Variants in USP46 observed in about 807,000 individuals in gnomAD.
USP46 encodes ubiquitin carboxyl-terminal hydrolase 46.
Under a neutral mutation model 44.4 loss-of-function variants are expected in USP46, and 12 were observed. The observed-to-expected ratio is 0.27, with a 90% CI of 0.17 to 0.44. USP46 has a LOEUF of 0.44. Ranked by LOEUF, USP46 falls within the 20% of genes least tolerant of loss-of-function variation. The probability of loss-of-function intolerance (pLI) is 1.00; values close to 1 mark genes in which losing one functional copy is unlikely to be tolerated. For synonymous variants in USP46, 155 were observed against 161.5 expected (o/e 0.96, Z 0.31); for missense variants, 248 against 444.8 (o/e 0.56, Z 3.98).
In USP46 at chr4:52,595,722, T is replaced by C. The variant is rs979497568; in HGVS notation, c.*1918A>G. 2.0e-5 allele frequency: 3 copies of C among 152,226 alleles called. No homozygotes were observed. The highest frequency in any genetic ancestry group is 7.2e-5 in the African/African-American group (3 of 41,468). The allele number at this position is 152,226 out of a possible 1,614,324, so 9.4% of individuals were successfully genotyped here. A position where few individuals can be genotyped will look rare whatever the true frequency, so the allele number is the denominator to read the frequency against. On this transcript the variant is annotated 3_prime_UTR_variant, in exon 9 of 9. Transcript: ENST00000441222. ...CAAAGATAATTTTAATAACTTTTCT[T>C]ATGAATCAGTTCCAAATATATTAGA...
chr4:52,632,994 G>GAAAGAAAGAAAGGA (rs1717964473), intron 1 of USP46, among the ~76,000 whole-genome samples: 2 of 91,324 alleles, frequency 2.2e-5, no homozygotes, highest in Non-Finnish European at 4.5e-5. Flanking sequence ...GAAAAGAAAA[G>GAAAGAAAGAAAGGA]AAAGAAAGAA....
At chr4:52,619,270 T>C (rs545712894) in intron 4 of USP46, among the ~76,000 whole-genome samples, 1 of 141,906 alleles carries the variant, frequency 7.0e-6, no homozygotes, top group African/African-American at 2.6e-5. Context: ...ACTGCAATCA[T>C]AAGCAACATT....
rs1190606637 is a variant in USP46, at chr4:52,626,372, G to C, written c.332-125C>G. The C allele has an allele frequency of 9.1e-6, 7 of 767,564 alleles. No individual in the cohort carries two copies. In the Admixed American group the frequency reaches 1.8e-4, roughly 19 times the overall value. The allele number at this position is 767,564 out of a possible 1,614,324, so 47.5% of individuals were successfully genotyped here. A position where few individuals can be genotyped will look rare whatever the true frequency, so the allele number is the denominator to read the frequency against. On this transcript the variant is annotated intron_variant, in intron 3 of 8. Coordinates refer to ENST00000441222, the MANE Select transcript of USP46 (RefSeq NM_022832.4). ...GGAGTCTCGCTGTGTCGCCAGGCTA[G>C]AGCGTAGTGGCATGATCTCAGTTCA... is the stretch of plus-strand genomic sequence containing the variant.
chr4:52,601,300 T>C (rs1302304955), intron 7 of USP46, among the ~76,000 whole-genome samples: 1 of 152,248 alleles, frequency 6.6e-6, no homozygotes, highest in Non-Finnish European at 1.5e-5. Flanking sequence ...CAAAGGAATT[T>C]TGGCAAAATG....
intron 6 of USP46, among the ~76,000 whole-genome samples, chr4:52,602,416 G>C (rs1716511428): frequency 6.6e-6 from 1 of 152,190 alleles, no homozygotes; most frequent in South Asian, 2.1e-4. Context: ...GGAAGGTTGA[G>C]AGCTTTTGAG....
intron 1 of USP46, chr4:52,650,951 C>G (rs1395180675): frequency 6.6e-6 from 1 of 151,946 alleles, no homozygotes; most frequent in African/African-American, 2.4e-5. Context: ...ACAAAATTAG[C>G]TGGGCAAGGG....
chr4:52,644,843 G>A (rs1718485205), intron 1 of USP46, among the ~76,000 whole-genome samples: 1 of 151,790 alleles, frequency 6.6e-6, no homozygotes, highest in African/African-American at 2.4e-5. Flanking sequence ...GGATCACGCG[G>A]TCAGGAGTTT....
chr4:52,612,393 CT>C (rs1716968514), intron 4 of USP46, among the ~76,000 whole-genome samples: 1 of 152,204 alleles, frequency 6.6e-6, no homozygotes, highest in African/African-American at 2.4e-5. Flanking sequence ...ATTGCCTCTA[CT>C]GGCTTCTTTG....
At chr4:52,632,980 G>GAAAGAAAGAAAAGAAAAGA (rs1553891291) in intron 1 of USP46, among the ~76,000 whole-genome samples, 2 of 71,434 alleles carry the variant, frequency 2.8e-5, no homozygotes, top group Non-Finnish European at 2.7e-5. Flanking sequence ...AAGAAAGAAA[G>GAAAGAAAGAAAAGAAAAGA]AAAGAAAAGA....
At chr4:52,641,130 A>G (rs1560410070) in intron 1 of USP46, among the ~76,000 whole-genome samples, 2 of 152,142 alleles carry the variant, frequency 1.3e-5, no homozygotes, top group Non-Finnish European at 1.5e-5. Context: ...TTGCACTTCT[A>G]TTGCTAGCAC....
chr4:52,614,800 TC>T (rs1240475090), intron 4 of USP46, among the ~76,000 whole-genome samples: 1 of 152,232 alleles, frequency 6.6e-6, no homozygotes, highest in Non-Finnish European at 1.5e-5. Flanking sequence ...CATAACACTG[TC>T]CTGTGGGATT....
At chr4:52,610,114 C>T (rs1324130469) in intron 5 of USP46, among the ~76,000 whole-genome samples, 14 of 149,558 alleles carry the variant, frequency 9.4e-5, no homozygotes, top group African/African-American at 2.5e-4. Flanking sequence ...TTAGTAGAGA[C>T]GGGGTTTCAC....
chr4:52,648,129 A>T (rs574242246), intron 1 of USP46, among the ~76,000 whole-genome samples: 84 of 152,380 alleles, frequency 5.5e-4, no homozygotes, highest in Admixed American at 4.6e-4. Flanking sequence ...TCTCATACCC[A>T]ATCAACAGTG....
rs548988839 is a variant in USP46, at chr4:52,656,778, C to T, written c.36+2337G>A. ...AGGACCTGCCGGGTATGGTGGCTCA[C>T]GGCAGTAATTTGGCGCTTCGGGAGG... On this transcript the variant is annotated intron_variant, in intron 1 of 8. Transcript: ENST00000441222. 8.6e-4 allele frequency among the ~76,000 whole-genome samples: 130 copies of T among 151,880 alleles called. No homozygotes were observed. In the Middle Eastern group the frequency reaches 0.017, roughly 20 times the overall value.
chr4:52,645,224 CAAAAAAAA>C (rs74266163), intron 1 of USP46, among the ~76,000 whole-genome samples: 2 of 79,816 alleles, frequency 2.5e-5, no homozygotes, highest in African/African-American at 8.4e-5. Context: ...GACTCTATCT[CAAAAAAAA>C]AAAAAAAAAA....
At chr4:52,644,661 T>C (rs1299949188) in intron 1 of USP46, among the ~76,000 whole-genome samples, 1 of 148,922 alleles carries the variant, frequency 6.7e-6, no homozygotes, top group Non-Finnish European at 1.5e-5. Flanking sequence ...CCCAGGTTTG[T>C]GGAAAAATTG....
intron 1 of USP46, among the ~76,000 whole-genome samples, chr4:52,646,612 T>A (rs1007089078): frequency 6.6e-6 from 1 of 152,234 alleles, no homozygotes; most frequent in Non-Finnish European, 1.5e-5. Context: ...TGGGTTTTTT[T>A]AATTCCATTT....
At chr4:52,649,054 C>T (rs1718661840) in intron 1 of USP46, among the ~76,000 whole-genome samples, 1 of 152,224 alleles carries the variant, frequency 6.6e-6, no homozygotes, top group Non-Finnish European at 1.5e-5. Flanking sequence ...ACAGGGCCCC[C>T]TCACCACCAC....
At chr4:52,625,124 C>G (rs1717525959) in intron 4 of USP46, among the ~76,000 whole-genome samples, 1 of 152,140 alleles carries the variant, frequency 6.6e-6, no homozygotes, top group African/African-American at 2.4e-5. Flanking sequence ...CATAGACTTT[C>G]TATGCTGTCA....
Sources: gnomAD v4.1 joint callset for allele counts (sites outside exome capture counted in the v4.1 genomes callset) on GRCh38, gnomAD v4.1.1 for gene constraint, MANE v1.5 for transcripts, NCBI Gene and HGNC (gene_info 2026-07-23, HGNC 2026-07-21) for gene names.